The following CSMD1 variants were observed in gnomAD, a reference collection of about 807,000 sequenced individuals.
CSMD1 encodes CUB and Sushi multiple domains 1, also known as CUB and sushi domain-containing protein 1.
Under a neutral mutation model 417.5 loss-of-function variants are expected in CSMD1, and 213 were observed. The observed-to-expected ratio is 0.51, with a 90% CI of 0.46 to 0.57. CSMD1 has a LOEUF of 0.57. CSMD1 is among the 20% of genes least tolerant of loss of function. CSMD1 has a pLI of 0.00. For synonymous variants in CSMD1, 2,862 were observed against 1,736.8 expected, an observed-to-expected ratio of 1.65 and a Z score of -16.11; for missense variants, 6,923 against 4,529.7, an observed-to-expected ratio of 1.53 and a Z score of -15.17.
chr8:4,314,139 T>A (rs1286528127), intron 3 of CSMD1, among the ~76,000 whole-genome samples: 1 of 152,096 alleles, frequency 6.6e-6, no homozygotes, highest in Non-Finnish European at 1.5e-5. Flanking sequence ...GCAGAGACTG[T>A]CAACACATCC....
intron 2 of CSMD1, among the ~76,000 whole-genome samples, chr8:4,523,103 G>C (rs1774247821): frequency 6.6e-6 from 1 of 152,166 alleles, no homozygotes; most frequent in Admixed American, 6.5e-5. Context: ...GTGGGTGGTA[G>C]TGGGCCAAAA....
At chr8:4,345,392 G>A (rs79315969) in intron 3 of CSMD1, among the ~76,000 whole-genome samples, 1 of 152,008 alleles carries the variant, frequency 6.6e-6, no homozygotes, top group African/African-American at 2.4e-5. Context: ...ATGCAATAGA[G>A]TATTTTCATA....
At chr8:4,038,546 T>C (rs1170467210) in intron 3 of CSMD1, among the ~76,000 whole-genome samples, 5 of 152,204 alleles carry the variant, frequency 3.3e-5, no homozygotes, top group Non-Finnish European at 5.9e-5. Context: ...TTTTAACCAG[T>C]TTGCCTGAAG....
intron 47 of CSMD1, among the ~76,000 whole-genome samples, chr8:3,092,619 C>G (rs1248701196): frequency 6.6e-6 from 1 of 152,116 alleles, no homozygotes; most frequent in Non-Finnish European, 1.5e-5. Flanking sequence ...TTTCACCTGT[C>G]TATGGTATTT....
chr8:4,066,187 C>T (rs1585239092), intron 3 of CSMD1, among the ~76,000 whole-genome samples: 1 of 152,212 alleles, frequency 6.6e-6, no homozygotes, highest in Non-Finnish European at 1.5e-5. Context: ...ATTCACCTCT[C>T]CTTAGGGACT....
Position 3,586,120 on chromosome 8 carries a change from A to G in CSMD1, c.1222+16T>C. The stretch of plus-strand genomic sequence containing the variant: ...GAAAGAGATAATCCAGGCTTTACCC[A>G]CCGCAGGTGCCTTACCTCGGCAGAT... On this transcript the variant is annotated intron_variant, in intron 9 of 69. Transcript: ENST00000635120. 1 of 1,606,726 alleles carries G rather than the reference A, an allele frequency of 6.2e-7. No homozygotes were observed. Among genetic ancestry groups the G allele is most frequent in the Non-Finnish European group, 8.5e-7 (1 of 1,177,424 alleles).
At chr8:3,332,956 A>C (rs1807003138) in intron 23 of CSMD1, among the ~76,000 whole-genome samples, 1 of 152,218 alleles carries the variant, frequency 6.6e-6, no homozygotes. Context: ...CAAGATACGG[A>C]GCCTGACTCA....
In CSMD1 at chr8:4,870,674, G is replaced by A. The variant is rs940886058; in HGVS notation, c.85+123658C>T. 5.3e-5 allele frequency among the ~76,000 whole-genome samples: 8 copies of A among 152,262 alleles called. 1 individual carries two copies. Among genetic ancestry groups the A allele is most frequent in the African/African-American group, 1.9e-4 (8 of 41,496 alleles). On this transcript the variant is annotated intron_variant, in intron 1 of 69. Coordinates refer to ENST00000635120, the MANE Select transcript of CSMD1 (RefSeq NM_033225.6). ...GGGAATGGAGAAACAGAGTACAGAA[G>A]TAGGGAGAGCAAAGGGAAGATGTCA...
intron 4 of CSMD1, among the ~76,000 whole-genome samples, chr8:4,014,444 C>T (rs1293739498): frequency 1.3e-5 from 2 of 152,150 alleles, no homozygotes; most frequent in Admixed American, 6.5e-5. Flanking sequence ...GTTCTCTGTT[C>T]TGTGACTTCA....
chr8:3,825,802 A>G (rs1802024795), intron 5 of CSMD1, among the ~76,000 whole-genome samples: 1 of 152,224 alleles, frequency 6.6e-6, no homozygotes, highest in South Asian at 2.1e-4. Flanking sequence ...TCCAGATGAT[A>G]TGGAATTGAA....
intron 25 of CSMD1, among the ~76,000 whole-genome samples, chr8:3,296,455 C>CTT: frequency 6.6e-6 from 1 of 152,014 alleles, no homozygotes. Context: ...GCTTTGTAGG[C>CTT]TGTTTTAAGG....
chr8:3,075,465 G>C (rs1230185830), intron 49 of CSMD1, among the ~76,000 whole-genome samples: 1 of 151,258 alleles, frequency 6.6e-6, no homozygotes, highest in Non-Finnish European at 1.5e-5. Flanking sequence ...ATTTTTAGTA[G>C]AGACAGGGTT....
chr8:4,402,629 C>G (rs547479123), intron 3 of CSMD1, among the ~76,000 whole-genome samples: 1 of 152,100 alleles, frequency 6.6e-6, no homozygotes, highest in Non-Finnish European at 1.5e-5. Context: ...TTTAATCTTG[C>G]AAGACCTATC....
At chr8:4,780,415 A>ATCTG (rs142711514) in intron 1 of CSMD1, among the ~76,000 whole-genome samples, 17,535 of 151,666 alleles carry the variant, frequency 0.12, 1,193 homozygotes, top group East Asian at 0.31. Context: ...TGATCAGTCG[A>ATCTG]TCTGTCTGTC....
At chr8:4,096,094 G>C (rs1199493386) in intron 3 of CSMD1, among the ~76,000 whole-genome samples, 3 of 152,070 alleles carry the variant, frequency 2.0e-5, no homozygotes, top group Non-Finnish European at 4.4e-5. Context: ...GTTATCACAA[G>C]ACTGTTGTTG....
At chr8:4,247,261 C>A (rs1023620080) in intron 3 of CSMD1, among the ~76,000 whole-genome samples, 15 of 152,136 alleles carry the variant, frequency 9.9e-5, no homozygotes, top group Non-Finnish European at 2.1e-4. Context: ...AGTACAATGA[C>A]CAAAGACAAA....
chr8:4,832,906 G>C (rs1285141945), intron 1 of CSMD1, among the ~76,000 whole-genome samples: 1 of 152,110 alleles, frequency 6.6e-6, no homozygotes, highest in Non-Finnish European at 1.5e-5. Flanking sequence ...ACTAGCTCAA[G>C]CACTCTAAGT....
chr8:3,959,233 G>A (rs1812163114), intron 5 of CSMD1, among the ~76,000 whole-genome samples: 1 of 152,192 alleles, frequency 6.6e-6, no homozygotes, highest in Non-Finnish European at 1.5e-5. Context: ...AGCAGGGTGG[G>A]ACACGTGTGT....
intron 5 of CSMD1, among the ~76,000 whole-genome samples, chr8:3,992,757 G>T (rs1814858378): frequency 6.6e-6 from 1 of 152,144 alleles, no homozygotes; most frequent in South Asian, 2.1e-4. Flanking sequence ...CTCCACACTG[G>T]GTGACAGAAG....
Sources: allele counts gnomAD v4.1 joint callset (sites outside exome capture counted in the v4.1 genomes callset), GRCh38; gene constraint gnomAD v4.1.1; transcripts MANE v1.5; gene names NCBI Gene and HGNC (gene_info 2026-07-23, HGNC 2026-07-21).